RGSL1: variants seen among roughly 807,000 people sequenced by gnomAD.
RGSL1 encodes the protein regulator of G protein signaling like 1, also known as regulator of G protein signaling protein-like.
A neutral mutation model predicts 124.7 loss-of-function variants in RGSL1; 97 were observed. That is an observed-to-expected ratio of 0.78 (90% CI 0.66 to 0.92). The LOEUF is 0.92. Ranked by LOEUF, RGSL1 falls within the 40% of genes least tolerant of loss-of-function variation. The pLI is 0.00. For missense variants in RGSL1, 1,233 were observed against 1,288.4 expected (o/e 0.96, Z 0.66); for synonymous variants, 424 against 438.1 (o/e 0.97, Z 0.40).
chr1:182,462,296 T>C (rs1399097856), intron 4 of RGSL1, among the ~76,000 whole-genome samples: 1 of 152,120 alleles, frequency 6.6e-6, no homozygotes, highest in Non-Finnish European at 1.5e-5. Context: ...GAAATTAAGA[T>C]ATTCCCAGAT....
intron 3 of RGSL1, among the ~76,000 whole-genome samples, chr1:182,458,662 G>A (rs770486805): frequency 1.3e-5 from 2 of 151,930 alleles, no homozygotes; most frequent in Admixed American, 6.6e-5. Context: ...TGGTAGAGAC[G>A]GAGTTTCACC....
intron 9 of RGSL1, among the ~76,000 whole-genome samples, chr1:182,518,298 C>T (rs1401640530): frequency 6.6e-6 from 1 of 152,136 alleles, no homozygotes; most frequent in Admixed American, 6.6e-5. Flanking sequence ...ACCTAAACCT[C>T]AGAATTGCCT....
In RGSL1 at chr1:182,473,803, C is replaced by G; in HGVS notation, c.692C>G (p.Pro231Arg). 1.9e-6 allele frequency: 3 copies of G among 1,551,728 alleles called. No homozygotes were observed. The highest frequency in any genetic ancestry group is 2.6e-6 in the Non-Finnish European group (3 of 1,147,002). ...SVCYTHIGGL[P>R]LNMSIKKCHH... ...TGCTACACCCACATAGGAGGGCTCC[C>G]TCTGAACATGAGCATCAAGAAGTGC... Residue 231 changes from proline to arginine, a missense_variant, in exon 6 of 22, where the codon CCT becomes CGT. Pro to Arg is a moderately radical substitution (Grantham distance 103). Transcript: ENST00000294854.
intron 9 of RGSL1, among the ~76,000 whole-genome samples, chr1:182,501,799 T>C (rs532111003): frequency 6.6e-6 from 1 of 152,288 alleles, no homozygotes; most frequent in Admixed American, 6.5e-5. Context: ...TCCTCTTCAA[T>C]ATTTTGGCCG....
At chr1:182,450,834 C>T (rs1651754382) in intron 1 of RGSL1, among the ~76,000 whole-genome samples, 1 of 152,090 alleles carries the variant, frequency 6.6e-6, no homozygotes. Context: ...GAATGATAAA[C>T]AAACAAAAGT....
chr1:182,538,699 C>T (rs1659702450), intron 14 of RGSL1, among the ~76,000 whole-genome samples: 1 of 152,014 alleles, frequency 6.6e-6, no homozygotes, highest in African/African-American at 2.4e-5. Flanking sequence ...ATTAAGGAGG[C>T]ACTGACTGTC....
intron 4 of RGSL1, among the ~76,000 whole-genome samples, chr1:182,467,133 A>T (rs1021729583): frequency 7.2e-5 from 11 of 152,196 alleles, no homozygotes; most frequent in East Asian, 5.8e-4. Flanking sequence ...AAACAAATGG[A>T]AGAACATTCC....
intron 2 of RGSL1, among the ~76,000 whole-genome samples, chr1:182,455,810 G>A (rs1487137831): frequency 6.6e-6 from 1 of 152,240 alleles, no homozygotes; most frequent in Non-Finnish European, 1.5e-5. Flanking sequence ...CCAAGCCCTG[G>A]AGATCAGGCA....
chr1:182,480,541 T>C (rs1031403672), intron 6 of RGSL1, among the ~76,000 whole-genome samples: 10 of 151,930 alleles, frequency 6.6e-5, no homozygotes, highest in African/African-American at 2.4e-4. Flanking sequence ...CTGCAACTTC[T>C]GTCTCCTGAC....
intron 9 of RGSL1, among the ~76,000 whole-genome samples, chr1:182,498,648 T>G (rs1265347746): frequency 6.6e-6 from 1 of 152,232 alleles, no homozygotes; most frequent in Non-Finnish European, 1.5e-5. Flanking sequence ...GAGTGATCTT[T>G]TTAGTGATTT....
chr1:182,493,175 A>G, intron 9 of RGSL1, 46 bp downstream of exon 9: 2 of 1,264,456 alleles, frequency 1.6e-6, no homozygotes, highest in Non-Finnish European at 2.2e-6. Context: ...AGGTTTTTTC[A>G]AATCTAAGAG....
At chr1:182,500,966 A>G (rs982612942) in intron 9 of RGSL1, among the ~76,000 whole-genome samples, 8 of 152,176 alleles carry the variant, frequency 5.3e-5, no homozygotes, top group Non-Finnish European at 1.2e-4. Flanking sequence ...TTCCTTCCCA[A>G]TGTGGACATT....
chr1:182,557,957 A>G (rs1660957189), intron 21 of RGSL1, among the ~76,000 whole-genome samples: 1 of 152,122 alleles, frequency 6.6e-6, no homozygotes, highest in Non-Finnish European at 1.5e-5. Flanking sequence ...AGTGGTAGAG[A>G]CTGTGGTGAA....
chr1:182,554,891 A>C, intron 20 of RGSL1, 198 bp downstream of exon 20: 1 of 577,042 alleles, frequency 1.7e-6, no homozygotes, highest in Non-Finnish European at 3.1e-6. Flanking sequence ...CTCACCTCCA[A>C]CTAGGACAGG....
At chr1:182,488,467 C>G in intron 7 of RGSL1, 120 bp downstream of exon 7, 1 of 983,794 alleles carries the variant, frequency 1.0e-6, no homozygotes, top group Non-Finnish European at 1.6e-6. Flanking sequence ...CTAGAGTCAA[C>G]CAAAGATCAG....
At chr1:182,539,698 A>G (rs1427235879) in intron 14 of RGSL1, among the ~76,000 whole-genome samples, 1 of 152,192 alleles carries the variant, frequency 6.6e-6, no homozygotes, top group African/African-American at 2.4e-5. Context: ...GAAACTTTCT[A>G]AAGGAAGCAT....
At chr1:182,472,369 T>C in intron 4 of RGSL1, 27 bp from the exon 5 acceptor site, 2 of 1,537,406 alleles carry the variant, frequency 1.3e-6, no homozygotes, top group Non-Finnish European at 8.8e-7. Flanking sequence ...AGGGTATAGC[T>C]CTGTGCCTCT....
rs1409576752 is a variant in RGSL1 at position 182,530,253 on chromosome 1, T to C, written c.2135T>C (p.Leu712Pro). 4 of 1,549,990 alleles carry C rather than the reference T, an allele frequency of 2.6e-6. No homozygotes were observed. The highest frequency in any genetic ancestry group is 1.2e-5 in the South Asian group (1 of 83,900). Residue 712 changes from leucine (L) to proline (P), a missense_variant, in exon 12 of 22, where the codon CTG (leucine) becomes CCG (proline). Transcript: ENST00000294854. ...CTCTTGCATTTTCTAGAAGAAATGC[T>C]GCAGTGTGATGCCCCTATTATCAAA... ...FQGQLSPEEM[L>P]QCDAPIIKEI...
intron 4 of RGSL1, among the ~76,000 whole-genome samples, chr1:182,470,313 G>C (rs1048243264): frequency 2.6e-5 from 4 of 152,050 alleles, no homozygotes; most frequent in South Asian, 4.2e-4. Context: ...CACCCCTACA[G>C]TGACCTTCAA....
Sources: allele counts gnomAD v4.1 joint callset (sites outside exome capture counted in the v4.1 genomes callset), GRCh38; gene constraint gnomAD v4.1.1; transcripts MANE v1.5; gene names NCBI Gene and HGNC (gene_info 2026-07-23, HGNC 2026-07-21).